Variants in PRSS36 observed in about 807,000 individuals in gnomAD.
The protein encoded by PRSS36 is polyserase-2.
PRSS36 carries 90 observed loss-of-function variants against 94.3 expected under a neutral mutation model. That is an observed-to-expected ratio of 0.95 (90% CI 0.80 to 1.14). The LOEUF (loss-of-function observed/expected upper bound fraction) is 1.14, where lower values mean the gene tolerates loss of function less well. Among genes scored for constraint, PRSS36 ranks in the 50% most tolerant of loss-of-function variants. The pLI is 0.00. For missense variants in PRSS36, 1,158 were observed against 1,135.0 expected (o/e 1.02, Z -0.29); for synonymous variants, 500 against 489.6 (o/e 1.02, Z -0.28).
rs2144014709 is a variant in PRSS36, at chr16:31,139,061, G to C, written c.*77C>G. ...GGTGGGGCCCTTGAGGTTCCAGCCG[G>C]CTGGGCCACATTCCAGCCCCACTGG... On this transcript the variant is annotated 3_prime_UTR_variant, in exon 15 of 15. Coordinates refer to ENST00000268281, the MANE Select transcript of PRSS36 (RefSeq NM_173502.5). 2.7e-6 allele frequency: 4 copies of C among 1,474,270 alleles called. No individual in the cohort carries two copies. The highest frequency in any genetic ancestry group is 3.6e-6 in the Non-Finnish European group (4 of 1,100,588). 91.3% of individuals were successfully genotyped at this position (1,474,270 alleles called of 1,614,324 possible).
chr16:31,149,368 G>C, intron 3 of PRSS36, 95 bp downstream of exon 3: 2 of 1,561,554 alleles, frequency 1.3e-6, no homozygotes, highest in Non-Finnish European at 1.8e-6. Flanking sequence ...AGAGGACCCA[G>C]GCTTGTCTAC....
In PRSS36 at chr16:31,143,403, G is replaced by A. The variant is rs772264974; in HGVS notation, c.1039C>T (p.Pro347Ser). 6.2e-7 allele frequency: 1 copy of A among 1,613,056 alleles called. No homozygotes were observed. Among genetic ancestry groups the A allele is most frequent in the African/African-American group, 1.3e-5 (1 of 75,028 alleles). ...TCAGACACCAGCGCCCCATGGCAGG[G>A]TCTGGATCCTGGCACCATCACCTGG... ...EAQVMVPGSRPCHGALVSESW... is the reference protein window; with the variant it reads ...EAQVMVPGSRSCHGALVSESW... Residue 347 changes from proline to serine, a missense_variant, in exon 8 of 15, where the codon CCC (proline) becomes TCC (serine). Coordinates refer to ENST00000268281, the MANE Select transcript of PRSS36 (RefSeq NM_173502.5).
At position 31,146,042 on chromosome 16, in the gene PRSS36, T is replaced by G. The variant is rs1348257464; in HGVS notation, c.554-87A>C. On this transcript the variant is annotated intron_variant, in intron 5 of 14. Coordinates refer to ENST00000268281, the MANE Select transcript of PRSS36 (RefSeq NM_173502.5). ...TTCAGGTTTGCCTCCTGCGGCTGCT[T>G]CTTGGACATCAGCTAGATGCCCCAT... 2.3e-6 allele frequency: 3 copies of G among 1,316,808 alleles called. No homozygotes were observed. In the East Asian group the frequency reaches 7.6e-5, roughly 34 times the overall value. 81.6% of individuals were successfully genotyped at this position (1,316,808 alleles called of 1,614,324 possible). A position where few individuals can be genotyped will look rare whatever the true frequency, so the allele number is the denominator to read the frequency against.
rs2057791993 is a variant in PRSS36, at chr16:31,145,877, C to A, written c.632G>T (p.Ser211Ile). The change falls in exon 6 of 15, where the codon AGC (serine) becomes ATC (isoleucine). Residue 211 changes from serine to isoleucine, a missense_variant. Ser to Ile is a moderately radical substitution (Grantham distance 142). Coordinates refer to ENST00000268281, the MANE Select transcript of PRSS36 (RefSeq NM_173502.5). The stretch of plus-strand genomic sequence containing the variant: ...AGTGAGGTTGAAGGGACCGGGCTGG[C>A]TGTAGAGACATTGACAGGTGGCCTC... Reference protein sequence around the residue: ...LGEATCQCLYSQPGPFNLTLQ... With the variant: ...LGEATCQCLYIQPGPFNLTLQ... The A allele has an allele frequency of 6.2e-7, 1 of 1,613,962 alleles. No homozygotes were observed.
At chr16:31,149,379 A>G (rs1281530408) in intron 3 of PRSS36, 84 bp downstream of exon 3, 16 of 1,575,558 alleles carry the variant, frequency 1.0e-5, no homozygotes, top group Admixed American at 1.7e-5. Context: ...GCTTGTCTAC[A>G]TTTCTGGTCT....
At chr16:31,147,570 T>C (rs946522446) in intron 5 of PRSS36, among the ~76,000 whole-genome samples, 22 of 152,166 alleles carry the variant, frequency 1.4e-4, no homozygotes, top group Admixed American at 1.3e-3. Context: ...ATTTGGTCTA[T>C]TCCCCCCCAC....
At position 31,143,449 on chromosome 16, in the gene PRSS36, T is replaced by A. The variant is rs978770254; in HGVS notation, c.993A>T (p.Pro331=). ...CCTGGGCCTCCCAGGGCCAGGCCCCTGGCCGCGGGGCCTTCCCGCACTCTG... is the reference window on the plus strand; with the variant it reads ...CCTGGGCCTCCCAGGGCCAGGCCCCAGGCCGCGGGGCCTTCCCGCACTCTG... ...ALPECGKAPR[P]GAWPWEAQVM... The change falls in exon 8 of 15, where the codon CCA becomes CCT. Residue 331 remains proline (P), a synonymous_variant. Transcript: ENST00000268281. The A allele has an allele frequency of 3.1e-6, 5 of 1,610,492 alleles. No homozygotes were observed. Among genetic ancestry groups the A allele is most frequent in the African/African-American group, 1.3e-5 (1 of 74,800 alleles).
chr16:31,140,627 G>A lies in PRSS36; in HGVS notation c.2032C>T (p.Pro678Ser), dbSNP rs745628211. The change falls in exon 13 of 15, where the codon CCC (proline) becomes TCC (serine). Residue 678 changes from proline (P) to serine (S), a missense_variant. Transcript: ENST00000268281. ...CTCAGCTCCAGGAGGGCCAGGGGGG[G>A]CCTGAGTCCCAGGTGCTGGGGCAGC... ...IRLPQHLGLR[P>S]PLALLELSSR... 5.0e-6 allele frequency: 8 copies of A among 1,612,682 alleles called. No individual in the cohort carries two copies. The South Asian group carries it at 8.8e-5, about 18-fold the overall frequency.
chr16:31,148,257 G>T (rs1473724385), intron 5 of PRSS36, 138 bp downstream of exon 5: 3 of 925,478 alleles, frequency 3.2e-6, no homozygotes, highest in Non-Finnish European at 4.6e-6. Flanking sequence ...TTCATCCACC[G>T]ACCCGCAGAA....
intron 5 of PRSS36, 110 bp downstream of exon 5, chr16:31,148,285 C>G (rs376820181): frequency 1.6e-6 from 2 of 1,224,060 alleles, no homozygotes; most frequent in African/African-American, 3.2e-5. Context: ...CTCCAACGCT[C>G]CCCGCAGGCT....
rs753085097 is a variant in PRSS36 at position 31,143,767 on chromosome 16, C to T, written c.791G>A (p.Gly264Asp). 1.4e-5 allele frequency: 23 copies of T among 1,614,034 alleles called. 1 individual carries two copies. The South Asian group carries it at 2.3e-4, about 16-fold the overall frequency. Reference protein sequence around the residue: ...RWFQAGITSFGFGCGRRNRPG... With the variant: ...RWFQAGITSFDFGCGRRNRPG... ...GCGGTTTCTCCGTCCACAGCCAAAG[C>T]CAAAGCTGGTGATTCCTGCCTGGAA... The change falls in exon 7 of 15, where the codon GGC becomes GAC. Residue 264 changes from glycine to aspartate, a missense_variant. Gly to Asp is a moderately conservative substitution (Grantham distance 94, BLOSUM62 -1). Coordinates refer to ENST00000268281, the MANE Select transcript of PRSS36 (RefSeq NM_173502.5).
At position 31,142,936 on chromosome 16, in the gene PRSS36, G is replaced by A. The variant is rs760711552; in HGVS notation, c.1158C>T (p.Pro386=). The A allele has an allele frequency of 9.4e-5, 141 of 1,496,520 alleles. No homozygotes were observed. Among genetic ancestry groups the A allele is most frequent in the Non-Finnish European group, 1.2e-4 (141 of 1,129,922 alleles). The allele number at this position is 1,496,520 out of a possible 1,614,324, so 92.7% of individuals were successfully genotyped here. A position where few individuals can be genotyped will look rare whatever the true frequency, so the allele number is the denominator to read the frequency against. The part of the protein sequence containing the change: ...RDLDAWRVLL[P]SRPRAERVAR... The stretch of plus-strand genomic sequence containing the variant: ...CCACCCGCTCCGCGCGCGGGCGCGA[G>A]GGCAGCAGCACGCGCCAGGCGTCGA... The change falls in exon 9 of 15, where the codon CCC becomes CCT. Residue 386 remains proline, a synonymous_variant. Transcript: ENST00000268281.
chr16:31,144,068 C>T (rs541366701), intron 6 of PRSS36, among the ~76,000 whole-genome samples: 63 of 152,354 alleles, frequency 4.1e-4, no homozygotes, highest in African/African-American at 1.3e-3. Flanking sequence ...CAAAGCCACA[C>T]AAGATAATCC....
In PRSS36 at chr16:31,142,779, G is replaced by T; in HGVS notation, c.1315C>A (p.Leu439Met). ...VCLPHPEHYFLPGSRCRLARW... is the reference protein window; with the variant it reads ...VCLPHPEHYFMPGSRCRLARW... ...GCCAGGCGGCAGCGGCTCCCGGGCA[G>T]GAAGTAGTGTTCCGGGTGGGGTAGG... The change falls in exon 9 of 15, where the codon CTG becomes ATG. Residue 439 changes from leucine (L) to methionine (M), a missense_variant. Transcript: ENST00000268281. 1 of 1,452,782 alleles carries T rather than the reference G, an allele frequency of 6.9e-7. No homozygotes were observed. The highest frequency in any genetic ancestry group is 2.9e-5 in the East Asian group (1 of 34,056). The allele number at this position is 1,452,782 out of a possible 1,614,324, so 90.0% of individuals were successfully genotyped here.
In PRSS36 at chr16:31,143,326, G is replaced by A. The variant is rs77779384; in HGVS notation, c.1100+16C>T. 9.2e-4 allele frequency: 1,441 copies of A among 1,573,892 alleles called. 11 individuals are homozygous for A. The Admixed American group carries it at 0.015, about 16-fold the overall frequency. On this transcript the variant is annotated intron_variant, in intron 8 of 14. Coordinates refer to ENST00000268281, the MANE Select transcript of PRSS36 (RefSeq NM_173502.5). Reference sequence around the variant, plus strand: ...GGAGGGGCAAGGATCGGCTTGAAACGTAGATTTTCACTCACTCCAGAAAGC... The same window carrying A: ...GGAGGGGCAAGGATCGGCTTGAAACATAGATTTTCACTCACTCCAGAAAGC...
Position 31,139,186 on chromosome 16 carries a change from C to G in PRSS36, c.2520G>C (p.Pro840=). ...GCAGGAGCAGGAAGTAGACTGCATG[C>G]GGGGATCCCGAGGCCTTGGCCAGTT... ...PPELAKASGS[P]HAVYFLLLLT... is the part of the protein sequence containing the mutation. Residue 840 remains proline, a synonymous_variant, in exon 15 of 15, where the codon CCG becomes CCC. Transcript: ENST00000268281. 1.2e-6 allele frequency: 2 copies of G among 1,603,628 alleles called. No homozygotes were observed. Among genetic ancestry groups the G allele is most frequent in the Non-Finnish European group, 1.7e-6 (2 of 1,173,512 alleles).
intron 14 of PRSS36, 134 bp from the exon 15 acceptor site, chr16:31,139,550 T>G: frequency 1.1e-5 from 12 of 1,064,192 alleles, no homozygotes; most frequent in South Asian, 1.6e-5. Context: ...CTCTCCCGGG[T>G]CCAGCTAGGG....
chr16:31,144,836 C>T (rs1464451227), intron 6 of PRSS36, among the ~76,000 whole-genome samples: 1 of 152,126 alleles, frequency 6.6e-6, no homozygotes, highest in Admixed American at 6.5e-5. Flanking sequence ...GCCTGTAATC[C>T]CAGAACTTTG....
At position 31,142,883 on chromosome 16, in the gene PRSS36, G is replaced by C; in HGVS notation, c.1211C>G (p.Ser404Trp). The change falls in exon 9 of 15, where the codon TCG (serine) becomes TGG (tryptophan). Residue 404 changes from serine to tryptophan, a missense_variant. Transcript: ENST00000268281. Reference sequence around the variant, plus strand: ...CGCCAGGTCCGAGGCGTTGTCCCACGAAGCGTTCTCGTGCTGCACCAGGCG... The same window carrying C: ...CGCCAGGTCCGAGGCGTTGTCCCACCAAGCGTTCTCGTGCTGCACCAGGCG... ...VARLVQHENA[S>W]WDNASDLALL... 1 of 1,559,466 alleles carries C rather than the reference G, an allele frequency of 6.4e-7. No individual in the cohort carries two copies. The highest frequency in any genetic ancestry group is 8.6e-7 in the Non-Finnish European group (1 of 1,157,978).
Sources: gnomAD v4.1 joint callset for allele counts (sites outside exome capture counted in the v4.1 genomes callset) on GRCh38, gnomAD v4.1.1 for gene constraint, MANE v1.5 for transcripts, NCBI Gene and HGNC (gene_info 2026-07-23, HGNC 2026-07-21) for gene names.